Variants in TLL1 observed in about 807,000 individuals in gnomAD.
TLL1 encodes the protein tolloid like 1.
TLL1 carries 49 observed loss-of-function variants against 128.2 expected under a neutral mutation model. That is an observed-to-expected ratio of 0.38 (90% CI 0.30 to 0.48). The LOEUF is 0.48. TLL1 is among the 20% of genes least tolerant of loss of function. The pLI is 0.96. For missense variants in TLL1, 1,123 were observed against 1,242.0 expected, an observed-to-expected ratio of 0.90 and a Z score of 1.44; for synonymous variants, 454 against 418.8, an observed-to-expected ratio of 1.08 and a Z score of -1.03.
intron 18 of TLL1, among the ~76,000 whole-genome samples, chr4:166,079,086 G>C (rs748752914): frequency 6.6e-6 from 1 of 152,098 alleles, no homozygotes; most frequent in African/African-American, 2.4e-5. Flanking sequence ...ATTCATTTCA[G>C]CCACACTGTT....
At chr4:166,013,867 T>C (rs893525234) in intron 7 of TLL1, among the ~76,000 whole-genome samples, 1 of 151,756 alleles carries the variant, frequency 6.6e-6, no homozygotes, top group African/African-American at 2.4e-5. Flanking sequence ...AAAAATTGCT[T>C]TAAACTGCCC....
intron 2 of TLL1, among the ~76,000 whole-genome samples, chr4:165,990,188 T>TTAGCCGGGCGCGG (rs1736573324): frequency 6.6e-6 from 1 of 151,892 alleles, no homozygotes; most frequent in Non-Finnish European, 1.5e-5. Context: ...TCAAAATTCT[T>TTAGCCGGGCGCGG]TGTAGTATCT....
At chr4:165,876,258 T>C (rs990751888) in intron 1 of TLL1, among the ~76,000 whole-genome samples, 2 of 152,138 alleles carry the variant, frequency 1.3e-5, no homozygotes, top group African/African-American at 4.8e-5. Flanking sequence ...AGTGCCTCCT[T>C]TTTACCACTG....
intron 1 of TLL1, among the ~76,000 whole-genome samples, chr4:165,929,440 G>A (rs759884990): frequency 6.6e-6 from 1 of 151,834 alleles, no homozygotes; most frequent in Non-Finnish European, 1.5e-5. Flanking sequence ...TCAAGAGGCT[G>A]AGGCAGGAGA....
chr4:165,923,421 C>CTTTGTTTTTTTTTTTT (rs1733127823), intron 1 of TLL1, among the ~76,000 whole-genome samples: 1 of 70,832 alleles, frequency 1.4e-5, no homozygotes, highest in Non-Finnish European at 2.6e-5. Flanking sequence ...ATAGGTATAC[C>CTTTGTTTTTTTTTTTT]TTTTTTTTTT....
At chr4:166,074,640 A>T (rs189480206) in intron 16 of TLL1, among the ~76,000 whole-genome samples, 33 of 152,288 alleles carry the variant, frequency 2.2e-4, no homozygotes, top group African/African-American at 7.7e-4. Context: ...AGAGGATTAC[A>T]AGTTATTATC....
chr4:165,931,635 C>G (rs1404468526), intron 1 of TLL1, among the ~76,000 whole-genome samples: 1 of 147,716 alleles, frequency 6.8e-6, no homozygotes, highest in African/African-American at 2.5e-5. Flanking sequence ...AGGAGAGTGG[C>G]GTGAACCAGG....
At chr4:165,906,005 T>A (rs1732236861) in intron 1 of TLL1, among the ~76,000 whole-genome samples, 1 of 152,090 alleles carries the variant, frequency 6.6e-6, no homozygotes, top group Non-Finnish European at 1.5e-5. Context: ...GGAGCAGTTT[T>A]GTATACATTA....
chr4:165,933,716 T>C (rs1235892539), intron 1 of TLL1, among the ~76,000 whole-genome samples: 2 of 152,142 alleles, frequency 1.3e-5, no homozygotes, highest in Admixed American at 6.5e-5. Context: ...CTTTTTATTC[T>C]GACAGGACCA....
chr4:165,916,453 G>C (rs1190328410), intron 1 of TLL1, among the ~76,000 whole-genome samples: 1 of 152,176 alleles, frequency 6.6e-6, no homozygotes, highest in Non-Finnish European at 1.5e-5. Flanking sequence ...GAAATATTTA[G>C]GGGGAGGTGT....
intron 1 of TLL1, among the ~76,000 whole-genome samples, chr4:165,949,183 G>A (rs1205767202): frequency 1.3e-5 from 2 of 152,122 alleles, no homozygotes; most frequent in Non-Finnish European, 2.9e-5. Flanking sequence ...GGAGGGCAAG[G>A]TGAGGAGAAA....
intron 13 of TLL1, among the ~76,000 whole-genome samples, chr4:166,056,302 G>A (rs1254132997): frequency 2.6e-5 from 4 of 151,872 alleles, no homozygotes; most frequent in African/African-American, 9.7e-5. Flanking sequence ...TTCAGAGGAT[G>A]TTTACTATTT....
At chr4:165,940,803 T>C (rs1436584195) in intron 1 of TLL1, among the ~76,000 whole-genome samples, 1 of 151,982 alleles carries the variant, frequency 6.6e-6, no homozygotes, top group Non-Finnish European at 1.5e-5. Context: ...TGGCCAACCT[T>C]TGTTATTTAA....
intron 17 of TLL1, among the ~76,000 whole-genome samples, chr4:166,077,104 A>C (rs1008278147): frequency 1.3e-5 from 2 of 152,198 alleles, no homozygotes; most frequent in African/African-American, 4.8e-5. Context: ...AGTCTAAACA[A>C]GGTTGTATGT....
chr4:165,883,327 CT>C (rs551277043), intron 1 of TLL1, among the ~76,000 whole-genome samples: 1 of 152,058 alleles, frequency 6.6e-6, no homozygotes, highest in Non-Finnish European at 1.5e-5. Flanking sequence ...TATGTGGGTA[CT>C]TTTTTGCAAA....
rs1389432946 is a variant in TLL1 at position 165,992,832 on chromosome 4, G to A, written c.309G>A (p.Lys103=). 3.1e-6 allele frequency: 5 copies of A among 1,613,292 alleles called. No individual in the cohort carries two copies. In the Admixed American group the frequency reaches 6.7e-5, roughly 22 times the overall value. ...GACTTGGAGACCATGCTATGTCAAAGAAGCGAGGGGCCCTCTACCAACTTA... is the reference window on the plus strand; with the variant it reads ...GACTTGGAGACCATGCTATGTCAAAAAAGCGAGGGGCCCTCTACCAACTTA... ...TGGLGDHAMS[K]KRGALYQLID... is the part of the protein sequence containing the mutation. The change falls in exon 3 of 21, where the codon AAG becomes AAA. Residue 103 remains lysine (K), a synonymous_variant. Transcript: ENST00000061240.
chr4:165,994,464 G>A lies in TLL1; in HGVS notation c.445G>A (p.Ala149Thr), dbSNP rs537288580. 6.2e-7 allele frequency: 1 copy of A among 1,613,958 alleles called. No homozygotes were observed. Among genetic ancestry groups the A allele is most frequent in the Non-Finnish European group, 8.5e-7 (1 of 1,179,952 alleles). ...QNEKNRVPRA[A>T]TSRTERIWPG... ...TGAGAAAAATCGAGTTCCCAGAGCC[G>A]CTACATCAAGAACGGAAAGAATATG... The change falls in exon 4 of 21, where the codon GCT becomes ACT. Residue 149 changes from alanine to threonine, a missense_variant. Physicochemically the swap from Ala to Thr is moderately conservative, Grantham distance 58. Coordinates refer to ENST00000061240, the MANE Select transcript of TLL1 (RefSeq NM_012464.5).
chr4:165,989,537 T>C (rs750846941), intron 2 of TLL1, 46 bp downstream of exon 2: 1 of 1,388,762 alleles, frequency 7.2e-7, no homozygotes. Flanking sequence ...TTGGAGAAAA[T>C]ATACTCTTGA....
chr4:165,966,525 C>T (rs1290045818), intron 1 of TLL1, among the ~76,000 whole-genome samples: 1 of 152,084 alleles, frequency 6.6e-6, no homozygotes, highest in Non-Finnish European at 1.5e-5. Context: ...ATCGGGGGAA[C>T]CAGCCCCCGA....
Sources: gnomAD v4.1 joint callset for allele counts (sites outside exome capture counted in the v4.1 genomes callset) on GRCh38, gnomAD v4.1.1 for gene constraint, MANE v1.5 for transcripts, NCBI Gene and HGNC (gene_info 2026-07-23, HGNC 2026-07-21) for gene names.